Variants in ERICH6B observed in about 807,000 individuals in gnomAD.
ERICH6B encodes the protein glutamate rich 6B, also known as glutamate-rich protein 6B.
ERICH6B carries 69 observed loss-of-function variants against 80.0 expected under a neutral mutation model. The observed-to-expected ratio is 0.86, with a 90% CI of 0.71 to 1.05. The LOEUF is 1.05. Among genes scored for constraint, ERICH6B ranks in the 50% least tolerant of loss-of-function variants. The pLI is 0.00. For missense variants in ERICH6B, 754 were observed against 796.1 expected (o/e 0.95, Z 0.64); for synonymous variants, 283 against 291.9 (o/e 0.97, Z 0.31).
chr13:45,553,075 G>A, intron 11 of ERICH6B: 1 of 291,766 alleles, frequency 3.4e-6, no homozygotes, highest in Non-Finnish European at 6.8e-6. Context: ...GAAATTTCTT[G>A]TAGTTGCAAG....
At chr13:45,580,176 T>C (rs986485235) in intron 6 of ERICH6B, among the ~76,000 whole-genome samples, 2 of 152,162 alleles carry the variant, frequency 1.3e-5, no homozygotes, top group Non-Finnish European at 2.9e-5. Context: ...CGAATATTGA[T>C]TCCCCTCCCT....
In ERICH6B at chr13:45,571,899, C is replaced by T. The variant is rs151059326; in HGVS notation, c.1050+2943G>A. 9.0e-4 allele frequency among the ~76,000 whole-genome samples: 137 copies of T among 152,306 alleles called. 1 individual carries two copies. Among genetic ancestry groups the T allele is most frequent in the African/African-American group, 3.1e-3 (129 of 41,562 alleles). On this transcript the variant is annotated intron_variant, in intron 8 of 14. Coordinates refer to ENST00000298738, the MANE Select transcript of ERICH6B (RefSeq NM_182542.3). ...AGATACCTGGGCCATATCCTTCCCT[C>T]ACAGCCCTCACAAGGAACCAACTGT...
chr13:45,596,362 T>C lies in ERICH6B; in HGVS notation c.637+7A>G, dbSNP rs1415566740. On this transcript the variant is annotated splice_region_variant and intron_variant, in intron 3 of 14. Coordinates refer to ENST00000298738, the MANE Select transcript of ERICH6B (RefSeq NM_182542.3). ...CCATAGATGCTCTCCCTCCTCCAGA[T>C]ACTCACCTTTCAGATACTTTTTATA... 4 of 1,546,618 alleles carry C rather than the reference T, an allele frequency of 2.6e-6. No individual in the cohort carries two copies. In the South Asian group the frequency reaches 3.6e-5, roughly 14 times the overall value.
At chr13:45,593,265 G>T (rs546648439) in intron 3 of ERICH6B, among the ~76,000 whole-genome samples, 1 of 152,252 alleles carries the variant, frequency 6.6e-6, no homozygotes, top group African/African-American at 2.4e-5. Flanking sequence ...ACCGCTATAG[G>T]GTAGATGAGT....
intron 1 of ERICH6B, among the ~76,000 whole-genome samples, chr13:45,614,839 G>A (rs1033550058): frequency 2.6e-5 from 4 of 152,244 alleles, no homozygotes; most frequent in Admixed American, 2.0e-4. Context: ...CCCCCATGAG[G>A]GGAACAACTG....
Position 45,544,879 on chromosome 13 carries a change from G to A in ERICH6B, c.1753C>T (p.Pro585Ser). 2.6e-6 allele frequency: 4 copies of A among 1,551,722 alleles called. No homozygotes were observed. Among genetic ancestry groups the A allele is most frequent in the Non-Finnish European group, 3.5e-6 (4 of 1,146,998 alleles). Residue 585 changes from proline to serine, a missense_variant, in exon 14 of 15, where the codon CCC (proline) becomes TCC (serine). By Grantham distance (74) the Pro-to-Ser change is moderately conservative. Transcript: ENST00000298738. ...NIHVHAPPVQPISLKINEYIQ... is the reference protein window; with the variant it reads ...NIHVHAPPVQSISLKINEYIQ... ...TACTCATTGATTTTCAAGGAGATGGGCTGGACAGGGGGTGCGTGGACATGG... is the reference window on the plus strand; with the variant it reads ...TACTCATTGATTTTCAAGGAGATGGACTGGACAGGGGGTGCGTGGACATGG...
At chr13:45,607,684 T>G (rs932817406) in intron 1 of ERICH6B, 69 bp from the exon 2 acceptor site, 2 of 152,272 alleles carry the variant, frequency 1.3e-5, no homozygotes, top group African/African-American at 4.8e-5. Flanking sequence ...TTCTTAGTAA[T>G]GCTGGAAAAT....
rs913652390 is a variant in ERICH6B at position 45,555,907 on chromosome 13, C to T, written c.1407+5462G>A. Among the ~76,000 whole-genome samples, 6 of 150,520 alleles carry T rather than the reference C, an allele frequency of 4.0e-5. No homozygotes were observed. In the East Asian group the frequency reaches 7.9e-4, roughly 20 times the overall value. ...ACCCAAGCTAATTTCCTATTTCTTT[C>T]CCACTTGCCTATGGGTGTCCGTGAG... is the stretch of plus-strand genomic sequence containing the variant. On this transcript the variant is annotated intron_variant, in intron 11 of 14. Coordinates refer to ENST00000298738, the MANE Select transcript of ERICH6B (RefSeq NM_182542.3).
intron 7 of ERICH6B, 104 bp from the exon 8 acceptor site, chr13:45,575,034 T>C (rs1050263255): frequency 8.0e-6 from 6 of 745,956 alleles, no homozygotes; most frequent in Non-Finnish European, 1.3e-5. Context: ...TATTTACCTT[T>C]GCCCTTCCAA....
At chr13:45,567,028 T>C (rs1267717437) in intron 9 of ERICH6B, among the ~76,000 whole-genome samples, 1 of 152,216 alleles carries the variant, frequency 6.6e-6, no homozygotes, top group Non-Finnish European at 1.5e-5. Context: ...ATGTGAGACA[T>C]GGAGTTAAAG....
chr13:45,588,713 C>T (rs571946006), intron 4 of ERICH6B, among the ~76,000 whole-genome samples: 1 of 152,322 alleles, frequency 6.6e-6, no homozygotes, highest in East Asian at 1.9e-4. Flanking sequence ...ATGTACTTTT[C>T]CCCCCAGACA....
intron 11 of ERICH6B, among the ~76,000 whole-genome samples, chr13:45,554,920 TA>T (rs1285951275): frequency 6.6e-6 from 1 of 152,138 alleles, no homozygotes; most frequent in Non-Finnish European, 1.5e-5. Context: ...TGCCTGTTTG[TA>T]AAACAAACAA....
At chr13:45,611,804 TA>T (rs1949901454) in intron 1 of ERICH6B, among the ~76,000 whole-genome samples, 1 of 152,124 alleles carries the variant, frequency 6.6e-6, no homozygotes, top group African/African-American at 2.4e-5. Context: ...GACACTGTAA[TA>T]ATAAGGATAA....
At chr13:45,584,750 G>A (rs920619509) in intron 5 of ERICH6B, among the ~76,000 whole-genome samples, 4 of 152,166 alleles carry the variant, frequency 2.6e-5, no homozygotes, top group Admixed American at 6.5e-5. Context: ...TCAGCTCCAC[G>A]TGCCCAGTTC....
intron 11 of ERICH6B, 98 bp downstream of exon 11, chr13:45,561,271 G>A: frequency 8.1e-7 from 1 of 1,239,600 alleles, no homozygotes; most frequent in Non-Finnish European, 1.1e-6. Context: ...TACATTGTGT[G>A]TTGTTCCTTA....
At chr13:45,545,143 C>T (rs984606941) in intron 13 of ERICH6B, among the ~76,000 whole-genome samples, 158 bp from the exon 14 acceptor site, 2 of 152,200 alleles carry the variant, frequency 1.3e-5, no homozygotes, top group Non-Finnish European at 2.9e-5. Context: ...CAACCCAACA[C>T]CAGGCACTGT....
At chr13:45,605,557 T>A (rs1431464436) in intron 2 of ERICH6B, among the ~76,000 whole-genome samples, 2 of 152,196 alleles carry the variant, frequency 1.3e-5, no homozygotes, top group Non-Finnish European at 2.9e-5. Flanking sequence ...GTCAGGCAAG[T>A]CCTAAGTGGC....
At position 45,548,118 on chromosome 13, in the gene ERICH6B, T is replaced by TG. The variant is rs751556460; in HGVS notation, c.1646+1774dup. Among the ~76,000 whole-genome samples, 168 of 152,326 alleles carry TG rather than the reference T, an allele frequency of 1.1e-3. 1 individual carries two copies. The highest frequency in any genetic ancestry group is 4.7e-3 in the Admixed American group (72 of 15,296). On this transcript the variant is annotated intron_variant, in intron 13 of 14. Coordinates refer to ENST00000298738, the MANE Select transcript of ERICH6B (RefSeq NM_182542.3). The stretch of plus-strand genomic sequence containing the variant: ...AAGCCTGGCCTGAGACCCCTTGGGC[T>TG]GGGAGTCAAGATGGGTGCTGGATTT...
chr13:45,552,024 C>A (rs2031976058), intron 11 of ERICH6B, among the ~76,000 whole-genome samples: 1 of 152,088 alleles, frequency 6.6e-6, no homozygotes, highest in Non-Finnish European at 1.5e-5. Context: ...TAGCTGTTTC[C>A]CATGAGTGTA....
Sources: gnomAD v4.1 joint callset for allele counts (sites outside exome capture counted in the v4.1 genomes callset) on GRCh38, gnomAD v4.1.1 for gene constraint, MANE v1.5 for transcripts, NCBI Gene and HGNC (gene_info 2026-07-23, HGNC 2026-07-21) for gene names.